PLPPR1: variants seen among roughly 807,000 people sequenced by gnomAD.
PLPPR1 encodes the protein phospholipid phosphatase related 1.
Under a neutral mutation model 33.1 loss-of-function variants are expected in PLPPR1, and 10 were observed. That is an observed-to-expected ratio of 0.30 (90% confidence interval 0.19 to 0.51). The LOEUF (loss-of-function observed/expected upper bound fraction) is 0.51. PLPPR1 is among the 20% of genes least tolerant of loss of function. PLPPR1 has a pLI of 0.97. For missense variants in PLPPR1, 304 were observed against 408.1 expected (o/e 0.74, Z 2.20); for synonymous variants, 151 against 151.0 (o/e 1.00, Z 0.00).
At chr9:101,239,705 A>G (rs1827411177) in intron 2 of PLPPR1, among the ~76,000 whole-genome samples, 1 of 151,878 alleles carries the variant, frequency 6.6e-6, no homozygotes, top group South Asian at 2.1e-4. Context: ...GGCCATTGGT[A>G]TGGCTTTTGA....
chr9:101,166,611 G>T (rs191142427), intron 1 of PLPPR1, among the ~76,000 whole-genome samples: 2 of 152,170 alleles, frequency 1.3e-5, no homozygotes, highest in Admixed American at 1.3e-4. Flanking sequence ...GTATTAAAAA[G>T]AATGGTCAGT....
At chr9:101,157,303 G>C (rs954232158) in intron 1 of PLPPR1, among the ~76,000 whole-genome samples, 2 of 152,094 alleles carry the variant, frequency 1.3e-5, no homozygotes, top group Non-Finnish European at 2.9e-5. Context: ...TGGGTGATTA[G>C]GCATATCAAG....
chr9:101,169,798 C>A (rs1825913112), intron 1 of PLPPR1, among the ~76,000 whole-genome samples: 1 of 151,842 alleles, frequency 6.6e-6, no homozygotes, highest in Non-Finnish European at 1.5e-5. Flanking sequence ...TCTCTCTTTT[C>A]AATTTTATAT....
chr9:101,109,052 G>A (rs915709639), intron 1 of PLPPR1, among the ~76,000 whole-genome samples: 14 of 149,386 alleles, frequency 9.4e-5, no homozygotes, highest in African/African-American at 2.0e-4. Flanking sequence ...TCCGCCTTCC[G>A]GATTGACGCC....
intron 1 of PLPPR1, among the ~76,000 whole-genome samples, chr9:101,139,976 A>C (rs939406784): frequency 1.3e-5 from 2 of 152,178 alleles, no homozygotes; most frequent in African/African-American, 4.8e-5. Context: ...CCTATTCTGT[A>C]CCTCAACTGC....
intron 3 of PLPPR1, among the ~76,000 whole-genome samples, 176 bp downstream of exon 3, chr9:101,270,244 C>A (rs898923410): frequency 6.6e-6 from 1 of 152,102 alleles, no homozygotes; most frequent in African/African-American, 2.4e-5. Context: ...TAACATAGGT[C>A]TTGTCTTGTA....
chr9:101,085,024 C>CAAT (rs1200772416), intron 1 of PLPPR1, among the ~76,000 whole-genome samples: 4 of 152,064 alleles, frequency 2.6e-5, no homozygotes, highest in African/African-American at 9.7e-5. Context: ...ATTCCTTGAC[C>CAAT]AATAGAATGT....
At chr9:101,122,097 G>C (rs112790433) in intron 1 of PLPPR1, among the ~76,000 whole-genome samples, 2,071 of 151,938 alleles carry the variant, frequency 0.014, 32 homozygotes, top group African/African-American at 0.042. Flanking sequence ...AACTTGCTTT[G>C]TATTCATTTG....
At chr9:101,053,759 G>C (rs1312066398) in intron 1 of PLPPR1, among the ~76,000 whole-genome samples, 1 of 152,190 alleles carries the variant, frequency 6.6e-6, no homozygotes, top group African/African-American at 2.4e-5. Flanking sequence ...CATCTTGAAG[G>C]ATAGTCTGGG....
intron 1 of PLPPR1, among the ~76,000 whole-genome samples, chr9:101,051,455 T>C (rs1381029362): frequency 6.6e-6 from 1 of 152,168 alleles, no homozygotes. Flanking sequence ...CCTTATTTTC[T>C]ACTTGCTCAA....
chr9:101,256,024 C>A (rs1033968480), intron 2 of PLPPR1, among the ~76,000 whole-genome samples: 9 of 152,136 alleles, frequency 5.9e-5, no homozygotes, highest in African/African-American at 2.2e-4. Context: ...AGTGGTGGAG[C>A]CAAGTCCAGT....
chr9:101,204,925 T>TG (rs1826561026), intron 2 of PLPPR1, among the ~76,000 whole-genome samples: 1 of 151,964 alleles, frequency 6.6e-6, no homozygotes, highest in Non-Finnish European at 1.5e-5. Flanking sequence ...GTATATGGTG[T>TG]GGACGGGGAG....
At chr9:101,196,379 C>A (rs1422930357) in intron 2 of PLPPR1, among the ~76,000 whole-genome samples, 3 of 152,096 alleles carry the variant, frequency 2.0e-5, no homozygotes, top group African/African-American at 4.8e-5. Context: ...TCTTTTTAGA[C>A]CCCAAAAGAA....
chr9:101,246,055 AATATATATATATAT>A (rs58070017), intron 2 of PLPPR1, among the ~76,000 whole-genome samples: 1,125 of 85,550 alleles, frequency 0.013, 36 homozygotes, highest in East Asian at 0.027. Flanking sequence ...ATTGAATATG[AATATATATATATAT>A]ATATATATAT....
intron 1 of PLPPR1, among the ~76,000 whole-genome samples, chr9:101,053,206 C>G (rs999605191): frequency 5.3e-5 from 8 of 152,122 alleles, no homozygotes; most frequent in African/African-American, 9.7e-5. Flanking sequence ...GTTAATGGGG[C>G]CACCATTATC....
chr9:101,134,088 C>G (rs543275539), intron 1 of PLPPR1, among the ~76,000 whole-genome samples: 32 of 152,284 alleles, frequency 2.1e-4, no homozygotes, highest in Admixed American at 4.6e-4. Context: ...GATTGTTAGC[C>G]TAACTAAACT....
At chr9:101,143,980 C>T (rs953988580) in intron 1 of PLPPR1, among the ~76,000 whole-genome samples, 4 of 152,262 alleles carry the variant, frequency 2.6e-5, no homozygotes, top group South Asian at 2.1e-4. Flanking sequence ...CACATGCACA[C>T]GTATGTTTAT....
chr9:101,165,043 T>C (rs914018958), intron 1 of PLPPR1, among the ~76,000 whole-genome samples: 2 of 152,170 alleles, frequency 1.3e-5, no homozygotes, highest in Non-Finnish European at 2.9e-5. Context: ...TGTTGTTCAC[T>C]TAGGTAACAT....
At chr9:101,126,605 G>C (rs1831249277) in intron 1 of PLPPR1, among the ~76,000 whole-genome samples, 1 of 152,150 alleles carries the variant, frequency 6.6e-6, no homozygotes, top group Non-Finnish European at 1.5e-5. Flanking sequence ...AATTGCTCCA[G>C]GTTTTAATGT....
Sources: allele counts gnomAD v4.1 joint callset (sites outside exome capture counted in the v4.1 genomes callset), GRCh38; gene constraint gnomAD v4.1.1; transcripts MANE v1.5; gene names NCBI Gene and HGNC (gene_info 2026-07-23, HGNC 2026-07-21).